GAS2L1: variants seen among roughly 807,000 people sequenced by gnomAD.
The protein encoded by GAS2L1 is GAS2-like protein 1.
In GAS2L1, 26 loss-of-function variants were observed where a neutral mutation model predicts 44.0. The ratio of observed to expected loss-of-function variants is 0.59; its 90% CI spans 0.43 to 0.82. The LOEUF (loss-of-function observed/expected upper bound fraction) is 0.82, where lower values mean the gene tolerates loss of function less well. Ranked by LOEUF, GAS2L1 falls within the 40% of genes least tolerant of loss-of-function variation. The probability of loss-of-function intolerance (pLI) is 0.00; values close to 1 mark genes in which losing one functional copy is unlikely to be tolerated. For synonymous variants in GAS2L1, 426 were observed against 415.9 expected (o/e 1.02, Z -0.30); for missense variants, 1,006 against 983.0 (o/e 1.02, Z -0.31).
chr22:29,309,361 GTC>G (rs2061381025), intron 1 of GAS2L1, among the ~76,000 whole-genome samples: 1 of 152,246 alleles, frequency 6.6e-6, no homozygotes, highest in Non-Finnish European at 1.5e-5. Flanking sequence ...CTGCCCCCAA[GTC>G]TCTCCTCTCC....
At chr22:29,312,346 C>T in exon 5 of GAS2L1, 1 of 1,604,660 alleles carries the variant, frequency 6.2e-7, no homozygotes, top group African/African-American at 1.3e-5. Flanking sequence ...AGGACCTGGG[C>T]ACGGGGTCGG....
chr22:29,311,833 G>A, exon 5 of GAS2L1: 1 of 1,592,338 alleles, frequency 6.3e-7, no homozygotes, highest in Non-Finnish European at 8.5e-7. Flanking sequence ...GTGCCAAGGG[G>A]CAGGGGCAGT....
chr22:29,311,984 G>C, exon 5 of GAS2L1: 4 of 1,610,512 alleles, frequency 2.5e-6, no homozygotes, highest in East Asian at 2.2e-5. Flanking sequence ...AGCTCGACCC[G>C]CAGCAGGAGC....
chr22:29,312,191 T>C (rs778789332), exon 5 of GAS2L1: 4 of 1,612,948 alleles, frequency 2.5e-6, no homozygotes, highest in Non-Finnish European at 3.4e-6. Context: ...GTGGCCAACC[T>C]GGGGACTCTG....
At position 29,308,229 on chromosome 22, in the gene GAS2L1, G is replaced by A. The variant is rs757648279; in HGVS notation, c.124G>A (p.Gly42Ser). The change falls in exon 1 of 5, where the codon GGC (glycine) becomes AGC (serine). Residue 42 changes from glycine to serine, a missense_variant. Physicochemically the swap from Gly to Ser is moderately conservative, Grantham distance 56. Transcript: ENST00000618518. Reference sequence around the variant, plus strand: ...GGCCGAGTGGCTCAATGCCTTGTACGGCCTGGGTCTCCCGGGTGGTGGCGA... The same window carrying A: ...GGCCGAGTGGCTCAATGCCTTGTACAGCCTGGGTCTCCCGGGTGGTGGCGA... The A allele has an allele frequency of 1.9e-6, 3 of 1,609,160 alleles. No homozygotes were observed. Among genetic ancestry groups the A allele is most frequent in the Admixed American group, 3.4e-5 (2 of 59,620 alleles).
chr22:29,308,490 C>A (rs2061371821), exon 1 of GAS2L1: 3 of 1,608,950 alleles, frequency 1.9e-6, no homozygotes, highest in Middle Eastern at 1.7e-4. Context: ...GGACCTGGTG[C>A]TGCGCAAGAA....
At chr22:29,311,636 G>A (rs1402266006) in exon 5 of GAS2L1, 1 of 1,535,994 alleles carries the variant, frequency 6.5e-7, no homozygotes, top group South Asian at 1.2e-5. Context: ...CGGCCTCTCC[G>A]AGACGGCCTC....
exon 5 of GAS2L1, chr22:29,312,277 C>G: frequency 3.1e-6 from 5 of 1,611,034 alleles, no homozygotes; most frequent in South Asian, 1.1e-5. Flanking sequence ...AGCCCCTGCC[C>G]TGGCATGGGG....
chr22:29,308,569 C>A, exon 1 of GAS2L1: 1 of 1,598,638 alleles, frequency 6.3e-7, no homozygotes, highest in South Asian at 1.1e-5. Flanking sequence ...CTGCTGGCCC[C>A]ACGCCTCGTG....
At chr22:29,311,276 CG>C (rs1211563671) in intron 4 of GAS2L1, 185 bp from the exon 6 acceptor site, 1 of 574,478 alleles carries the variant, frequency 1.7e-6, no homozygotes, top group Non-Finnish European at 3.1e-6. Flanking sequence ...CTTCTTCTTC[CG>C]TGGCTTTTGG....
upstream of GAS2L1, chr22:29,307,008 G>A (rs1159355586): frequency 6.6e-6 from 1 of 152,264 alleles, no homozygotes; most frequent in East Asian, 1.9e-4. Flanking sequence ...CCGAATTCCA[G>A]GGAGGCGGGG....
chr22:29,308,853 AAG>A lies in GAS2L1; in HGVS notation c.633+118_633+119del, dbSNP rs2061376757. 6.3e-6 allele frequency: 5 copies of A among 795,314 alleles called. No individual in the cohort carries two copies. In the Admixed American group the frequency reaches 1.4e-4, roughly 22 times the overall value. 49.3% of individuals were successfully genotyped at this position (795,314 alleles called of 1,614,324 possible). A position where few individuals can be genotyped will look rare whatever the true frequency, so the allele number is the denominator to read the frequency against. On this transcript the variant is annotated intron_variant, in intron 1 of 4. Transcript: ENST00000618518. ...TCTGCAGAACAGTCTGCCCCACAAA[AAG>A]AGTGCACATGTTGAGCACCAAACCG...
At chr22:29,306,903 G>T (rs1223793802), upstream of GAS2L1, 1 of 152,288 alleles carries the variant, frequency 6.6e-6, no homozygotes, top group South Asian at 2.1e-4. Context: ...TCGCGGGCGG[G>T]GGGAGACCCC....
In GAS2L1 at chr22:29,310,749, G is replaced by A; in HGVS notation, c.838+15G>A. On this transcript the variant is annotated intron_variant, in intron 3 of 4. Coordinates refer to ENST00000618518, the Ensembl canonical transcript of GAS2L1. ...CTCCTCCACTGGTCAGTGCCAGGGT[G>A]GGGCTGGGGCTGGACGGGCAGGGGA... 1 of 1,605,630 alleles carries A rather than the reference G, an allele frequency of 6.2e-7. No individual in the cohort carries two copies. Among genetic ancestry groups the A allele is most frequent in the South Asian group, 1.1e-5 (1 of 91,004 alleles).
exon 5 of GAS2L1, chr22:29,312,158 C>T (rs1602656910): frequency 1.2e-6 from 2 of 1,613,044 alleles, no homozygotes; most frequent in South Asian, 1.1e-5. Context: ...CCTCTTCGTC[C>T]CTCAGCGTCC....
exon 5 of GAS2L1, chr22:29,311,946 C>G (rs1400748817): frequency 6.2e-7 from 1 of 1,606,430 alleles, no homozygotes; most frequent in Non-Finnish European, 8.5e-7. Flanking sequence ...GGGCACCACA[C>G]CGGCCAGCAT....
rs770481297 is a variant in GAS2L1, at chr22:29,310,568, A to G, written c.741+22A>G. On this transcript the variant is annotated intron_variant, in intron 2 of 4. Coordinates refer to ENST00000618518, the Ensembl canonical transcript of GAS2L1. ...GCGGGTAAGGGCCTGGGGCCGCCCC[A>G]GCGGGCAGCAGCCAAGGTGGTGGGC... 5 of 1,581,220 alleles carry G rather than the reference A, an allele frequency of 3.2e-6. No individual in the cohort carries two copies. The South Asian group carries it at 5.5e-5, about 17-fold the overall frequency.
Position 29,312,355 on chromosome 22 carries a change from G to A in GAS2L1, c.1904G>A (p.Arg635Gln), listed in dbSNP as rs917526674. Residue 635 changes from arginine (R) to glutamine (Q), a missense_variant, in exon 5 of 5, where the codon CGG becomes CAG. Physicochemically the swap from Arg to Gln is conservative, Grantham distance 43. Transcript: ENST00000618518. The stretch of plus-strand genomic sequence containing the variant: ...CCCTCGAGGACCTGGGCACGGGGTC[G>A]GATGGACACACAGCCAGACCGTAAA... 3.7e-6 allele frequency: 6 copies of A among 1,604,246 alleles called. No individual in the cohort carries two copies. The Admixed American group carries it at 8.4e-5, about 22-fold the overall frequency.
At chr22:29,307,098 G>C (rs891487962) in exon 1 of GAS2L1, 2 of 151,908 alleles carry the variant, frequency 1.3e-5, no homozygotes, top group Non-Finnish European at 2.9e-5. Context: ...GCGGCGGCCC[G>C]GCCCGGCTCC....
Sources: gnomAD v4.1 joint callset for allele counts (sites outside exome capture counted in the v4.1 genomes callset) on GRCh38, gnomAD v4.1.1 for gene constraint, MANE v1.5 for transcripts, NCBI Gene and HGNC (gene_info 2026-07-23, HGNC 2026-07-21) for gene names.